USP31: variants seen among roughly 807,000 people sequenced by gnomAD.
USP31 encodes the protein ubiquitin specific peptidase 31, also known as ubiquitin carboxyl-terminal hydrolase 31.
A neutral mutation model predicts 119.4 loss-of-function variants in USP31; 44 were observed. That is an observed-to-expected ratio of 0.37 (90% CI 0.29 to 0.47). The LOEUF (loss-of-function observed/expected upper bound fraction) is 0.47, where lower values mean the gene tolerates loss of function less well. USP31 is among the 20% of genes least tolerant of loss of function. The probability of loss-of-function intolerance (pLI) is 0.99; values close to 1 mark genes in which losing one functional copy is unlikely to be tolerated. For synonymous variants in USP31, 749 were observed against 705.6 expected (o/e 1.06, Z -0.97); for missense variants, 1,643 against 1,730.2 (o/e 0.95, Z 0.89).
At chr16:23,075,213 C>A (rs961675491) in intron 13 of USP31, among the ~76,000 whole-genome samples, 2 of 152,160 alleles carry the variant, frequency 1.3e-5, no homozygotes, top group East Asian at 3.9e-4. Flanking sequence ...AAATGGAGCT[C>A]TAAGGAAACA....
intron 6 of USP31, among the ~76,000 whole-genome samples, chr16:23,099,299 C>A (rs146695491): frequency 1.4e-4 from 21 of 152,236 alleles, no homozygotes; most frequent in African/African-American, 4.8e-4. Context: ...GAATGGCAAT[C>A]ATTAAAAAGT....
intron 14 of USP31, chr16:23,072,671 A>G (rs945721947): frequency 5.2e-6 from 2 of 384,676 alleles, no homozygotes; most frequent in African/African-American, 4.1e-5. Context: ...CATAATATTA[A>G]TAATACACAC....
rs534480348 is a variant in USP31, at chr16:23,144,958, C to A, written c.633+3680G>T. Among the ~76,000 whole-genome samples the A allele has an allele frequency of 3.3e-5, 5 of 152,298 alleles. No homozygotes were observed. The East Asian group carries it at 9.6e-4, about 29-fold the overall frequency. On this transcript the variant is annotated intron_variant, in intron 1 of 15. Coordinates refer to ENST00000219689, the MANE Select transcript of USP31 (RefSeq NM_020718.4). Reference sequence around the variant, plus strand: ...AAATCACCTCTGGATTTTCAACTTGCAGAGGATGAAATCCAAACCAGCATA... The same window carrying A: ...AAATCACCTCTGGATTTTCAACTTGAAGAGGATGAAATCCAAACCAGCATA...
In USP31 at chr16:23,106,160, C is replaced by A. The variant is rs1902094036; in HGVS notation, c.953+53G>T. 1.1e-5 allele frequency: 18 copies of A among 1,602,602 alleles called. 1 individual carries two copies. In the South Asian group the frequency reaches 2.0e-4, roughly 18 times the overall value. Reference sequence around the variant, plus strand: ...AAGACCTAATAGGAGCCTACAGAGGCAAAGGGATACCATAAGAAAATACAG... The same window carrying A: ...AAGACCTAATAGGAGCCTACAGAGGAAAAGGGATACCATAAGAAAATACAG... On this transcript the variant is annotated intron_variant, in intron 4 of 15. Coordinates refer to ENST00000219689, the MANE Select transcript of USP31 (RefSeq NM_020718.4).
rs113655559 is a variant in USP31 at position 23,145,540 on chromosome 16, C to T, written c.633+3098G>A. On this transcript the variant is annotated intron_variant, in intron 1 of 15. Transcript: ENST00000219689. Reference sequence around the variant, plus strand: ...ATAGCCAATGAAATATCAGCAGAAGCCTGCTGAGGGGGCTTCTGGAAGAAT... The same window carrying T: ...ATAGCCAATGAAATATCAGCAGAAGTCTGCTGAGGGGGCTTCTGGAAGAAT... Among the ~76,000 whole-genome samples, 687 of 152,254 alleles carry T rather than the reference C, an allele frequency of 4.5e-3. 7 individuals carry two copies. The highest frequency in any genetic ancestry group is 0.016 in the African/African-American group (654 of 41,544).
intron 6 of USP31, 36 bp downstream of exon 6, chr16:23,102,283 A>G (rs1567236319): frequency 6.3e-7 from 1 of 1,590,396 alleles, no homozygotes; most frequent in South Asian, 1.2e-5. Flanking sequence ...AAACCTGCAA[A>G]CCCAGGTGGC....
At chr16:23,108,840 A>G (rs756020270) in intron 1 of USP31, among the ~76,000 whole-genome samples, 13 of 152,254 alleles carry the variant, frequency 8.5e-5, no homozygotes, top group Non-Finnish European at 1.8e-4. Context: ...AAACTTTACA[A>G]GATTGATTTA....
chr16:23,112,747 A>G (rs888649885), intron 1 of USP31, among the ~76,000 whole-genome samples: 1 of 151,736 alleles, frequency 6.6e-6, no homozygotes, highest in African/African-American at 2.4e-5. Context: ...AAAAATGAAT[A>G]GGCGGGTGTG....
intron 6 of USP31, among the ~76,000 whole-genome samples, chr16:23,100,092 G>T (rs1901784721): frequency 1.3e-5 from 2 of 152,188 alleles, no homozygotes; most frequent in Non-Finnish European, 2.9e-5. Flanking sequence ...ATGTAACACG[G>T]TGCAGCCACT....
chr16:23,127,575 G>A (rs1027648817), intron 1 of USP31, among the ~76,000 whole-genome samples: 11 of 151,612 alleles, frequency 7.3e-5, no homozygotes, highest in Non-Finnish European at 1.6e-4. Context: ...TGATTCTCCT[G>A]CCTCAGCCTC....
At chr16:23,075,788 T>A (rs1426729732) in intron 13 of USP31, among the ~76,000 whole-genome samples, 1 of 152,132 alleles carries the variant, frequency 6.6e-6, no homozygotes, top group Non-Finnish European at 1.5e-5. Flanking sequence ...AAAGATTACA[T>A]CAAAATAAAC....
At position 23,066,597 on chromosome 16, in the gene USP31, A is replaced by G. The variant is rs923559325; in HGVS notation, c.*1449T>C. 1.3e-5 allele frequency: 2 copies of G among 152,170 alleles called. No homozygotes were observed. The highest frequency in any genetic ancestry group is 4.8e-5 in the African/African-American group (2 of 41,432). 9.4% of individuals were successfully genotyped at this position (152,170 alleles called of 1,614,324 possible). A position where few individuals can be genotyped will look rare whatever the true frequency, so the allele number is the denominator to read the frequency against. On this transcript the variant is annotated 3_prime_UTR_variant, in exon 16 of 16. Transcript: ENST00000219689. Reference sequence around the variant, plus strand: ...AAAGCACATAAACTTAGCATGCTGTATTTACTGGCAAAGTGACAAATGCTA... The same window carrying G: ...AAAGCACATAAACTTAGCATGCTGTGTTTACTGGCAAAGTGACAAATGCTA...
chr16:23,127,757 C>T (rs956304019), intron 1 of USP31, among the ~76,000 whole-genome samples: 1 of 151,322 alleles, frequency 6.6e-6, no homozygotes, highest in Non-Finnish European at 1.5e-5. Flanking sequence ...GGATTACAGG[C>T]GTGAGCCAAC....
chr16:23,067,939 G>A lies in USP31; in HGVS notation c.*107C>T, dbSNP rs986204094. ...CACACACACACACACAGTCGGGCAC[G>A]TGACTCAAAAAAGTACAAAACAAAA... On this transcript the variant is annotated 3_prime_UTR_variant, in exon 16 of 16. Transcript: ENST00000219689. The A allele has an allele frequency of 7.1e-6, 10 of 1,401,112 alleles. No homozygotes were observed. The highest frequency in any genetic ancestry group is 2.8e-5 in the South Asian group (2 of 71,086). The allele number at this position is 1,401,112 out of a possible 1,614,324, so 86.8% of individuals were successfully genotyped here.
At chr16:23,100,784 A>G (rs534530575) in intron 6 of USP31, among the ~76,000 whole-genome samples, 1 of 152,306 alleles carries the variant, frequency 6.6e-6, no homozygotes, top group South Asian at 2.1e-4. Flanking sequence ...ATGAGTGCTT[A>G]GAGCTTGGCA....
intron 1 of USP31, among the ~76,000 whole-genome samples, chr16:23,144,380 AAAGTG>A (rs1222906851): frequency 6.6e-6 from 1 of 152,192 alleles, no homozygotes; most frequent in Non-Finnish European, 1.5e-5. Flanking sequence ...GAGCGATGTG[AAAGTG>A]AAGAATATCT....
At chr16:23,145,096 C>T (rs898515801) in intron 1 of USP31, among the ~76,000 whole-genome samples, 1 of 152,164 alleles carries the variant, frequency 6.6e-6, no homozygotes, top group African/African-American at 2.4e-5. Context: ...CAAAACCACA[C>T]GCCCTTTCAT....
Position 23,082,442 on chromosome 16 carries a change from C to T in USP31, c.1946G>A (p.Arg649Gln), listed in dbSNP as rs768517235. 9 of 1,613,856 alleles carry T rather than the reference C, an allele frequency of 5.6e-6. No individual in the cohort carries two copies. The highest frequency in any genetic ancestry group is 1.1e-5 in the South Asian group (1 of 91,030). The change falls in exon 12 of 16, where the codon CGG becomes CAG. Residue 649 changes from arginine to glutamine, a missense_variant. Arg to Gln is a conservative substitution (Grantham distance 43). Transcript: ENST00000219689. Reference sequence around the variant, plus strand: ...GAGGATAAAGGATTTCCATACCTGCCGAAATCTCTTTAGATGTATAATAAG... The same window carrying T: ...GAGGATAAAGGATTTCCATACCTGCTGAAATCTCTTTAGATGTATAATAAG... ...DVLIIHLKRF[R>Q]QEGDRRMKLQ... is the part of the protein sequence containing the mutation.
At chr16:23,091,504 C>G (rs1901360501) in intron 6 of USP31, among the ~76,000 whole-genome samples, 1 of 152,170 alleles carries the variant, frequency 6.6e-6, no homozygotes, top group Non-Finnish European at 1.5e-5. Flanking sequence ...AGGGAAATGA[C>G]ATCCCAGCTG....
Sources: gnomAD v4.1 joint callset for allele counts (sites outside exome capture counted in the v4.1 genomes callset) on GRCh38, gnomAD v4.1.1 for gene constraint, MANE v1.5 for transcripts, NCBI Gene and HGNC (gene_info 2026-07-23, HGNC 2026-07-21) for gene names.